The following IGF1 variants were observed in gnomAD, a reference collection of about 807,000 sequenced individuals.
The protein encoded by IGF1 is insulin-like growth factor 1.
A neutral mutation model predicts 13.8 loss-of-function variants in IGF1; 4 were observed. The observed-to-expected ratio is 0.29, with a 90% CI of 0.14 to 0.66. The LOEUF (loss-of-function observed/expected upper bound fraction) is 0.66. Among genes scored for constraint, IGF1 ranks in the 30% least tolerant of loss-of-function variants. The probability of loss-of-function intolerance (pLI) is 0.78; values close to 1 mark genes in which losing one functional copy is unlikely to be tolerated. For missense variants in IGF1, 124 were observed against 188.5 expected (o/e 0.66, Z 2.00); for synonymous variants, 76 against 72.6 (o/e 1.05, Z -0.23).
rs1237620591 is a variant in IGF1, at chr12:102,420,740, G to A, written c.221-1050C>T. Among the ~76,000 whole-genome samples the A allele has an allele frequency of 2.7e-4, 41 of 152,122 alleles. 1 individual carries two copies. Among genetic ancestry groups the A allele is most frequent in the Admixed American group, 2.7e-3 (41 of 15,280 alleles). ...GTGATTCTGTTCTAGCTCAGGCAAG[G>A]GCAGAGGGACAGAAACTTGCTTTCT... On this transcript the variant is annotated intron_variant, in intron 2 of 3. Coordinates refer to ENST00000337514, the MANE Select transcript of IGF1 (RefSeq NM_000618.5).
rs1875492398 is a variant in IGF1, at chr12:102,419,575, G to C, written c.336C>G (p.Leu112=). The C allele has an allele frequency of 6.2e-7, 1 of 1,613,950 alleles. No homozygotes were observed. Among genetic ancestry groups the C allele is most frequent in the East Asian group, 2.2e-5 (1 of 44,880 alleles). Residue 112 remains leucine, a synonymous_variant, in exon 3 of 4, where the codon CTC becomes CTG. Transcript: ENST00000337514. ...CAGAGCGAGCTGACTTGGCAGGCTT[G>C]AGGGGTGCGCAATACATCTCCAGCC... The part of the protein sequence containing the change: ...LRRLEMYCAP[L]KPAKSARSVR...
rs1198625294 is a variant in IGF1, at chr12:102,460,105, T to C, written c.220+15538A>G. Among the ~76,000 whole-genome samples the C allele has an allele frequency of 2.6e-5, 4 of 152,268 alleles. No individual in the cohort carries two copies. In the East Asian group the frequency reaches 7.7e-4, roughly 29 times the overall value. On this transcript the variant is annotated intron_variant, in intron 2 of 3. Transcript: ENST00000337514. ...CTCAAGAATGCAGGCTCAGCCATGC[T>C]GGATTGCACCATTTTTTTCATAAGA...
chr12:102,422,359 T>C (rs545688712), intron 2 of IGF1, among the ~76,000 whole-genome samples: 56 of 152,336 alleles, frequency 3.7e-4, no homozygotes, highest in Middle Eastern at 3.4e-3. Flanking sequence ...ATGTCTACAA[T>C]GGACTCATTG....
intron 3 of IGF1, among the ~76,000 whole-genome samples, chr12:102,403,732 A>T (rs1873884210): frequency 7.0e-6 from 1 of 142,688 alleles, no homozygotes; most frequent in Non-Finnish European, 1.5e-5. Flanking sequence ...TTGGTCTCCC[A>T]AAGTGCTGGC....
At chr12:102,441,964 T>TTTTTC (rs1565985049) in intron 2 of IGF1, among the ~76,000 whole-genome samples, 1 of 13,942 alleles carries the variant, frequency 7.2e-5, no homozygotes, top group Non-Finnish European at 1.6e-4. Context: ...TCTTTTTTTT[T>TTTTTC]TTTGAGACAG....
intron 2 of IGF1, among the ~76,000 whole-genome samples, chr12:102,465,996 ACTT>A (rs1310476473): frequency 6.6e-6 from 1 of 151,306 alleles, no homozygotes; most frequent in Non-Finnish European, 1.5e-5. Context: ...AAGATAACCA[ACTT>A]CTTTTTAATT....
chr12:102,465,442 T>A (rs757513512), intron 2 of IGF1, among the ~76,000 whole-genome samples: 60 of 152,188 alleles, frequency 3.9e-4, no homozygotes, highest in Non-Finnish European at 5.4e-4. Context: ...AACTGTTCAG[T>A]AGGGGAGCTG....
chr12:102,437,775 A>G (rs1877373392), intron 2 of IGF1, among the ~76,000 whole-genome samples: 1 of 152,228 alleles, frequency 6.6e-6, no homozygotes, highest in African/African-American at 2.4e-5. Context: ...AGGATATTGA[A>G]TGTTCTCACC....
rs182113062 is a variant in IGF1, at chr12:102,436,570, A to G, written c.221-16880T>C. ...TTTGGGGCACCTTCAGTACCACATC[A>G]TCAAAATATCTTTTCATGGATCATT... is the stretch of plus-strand genomic sequence containing the variant. On this transcript the variant is annotated intron_variant, in intron 2 of 3. Coordinates refer to ENST00000337514, the MANE Select transcript of IGF1 (RefSeq NM_000618.5). Among the ~76,000 whole-genome samples, 543 of 152,286 alleles carry G rather than the reference A, an allele frequency of 3.6e-3. 1 individual carries two copies. Among genetic ancestry groups the G allele is most frequent in the African/African-American group, 0.012 (509 of 41,560 alleles).
intron 2 of IGF1, among the ~76,000 whole-genome samples, chr12:102,441,527 G>T (rs1306228287): frequency 6.6e-6 from 1 of 152,158 alleles, no homozygotes; most frequent in Non-Finnish European, 1.5e-5. Flanking sequence ...AGTGGGAGTG[G>T]GCCATATTTG....
Position 102,435,686 on chromosome 12 carries a change from T to A in IGF1, c.221-15996A>T, listed in dbSNP as rs900013422. Among the ~76,000 whole-genome samples, 46 of 152,146 alleles carry A rather than the reference T, an allele frequency of 3.0e-4. 2 individuals are homozygous for A. Among genetic ancestry groups the A allele is most frequent in the Non-Finnish European group, 2.9e-5 (2 of 68,022 alleles). ...CCCACATACTTGTCCCCAAACCTCA[T>A]GAAAGGATGAAATTCAGGCCCATAA... On this transcript the variant is annotated intron_variant, in intron 2 of 3. Transcript: ENST00000337514.
chr12:102,411,087 A>ATT (rs1491541474), intron 3 of IGF1, among the ~76,000 whole-genome samples: 4 of 152,244 alleles, frequency 2.6e-5, no homozygotes, highest in Admixed American at 2.0e-4. Context: ...AGAAGAAAAC[A>ATT]TATTATTATT....
Position 102,397,704 on chromosome 12 carries a change from C to G in IGF1, c.*4803G>C, listed in dbSNP as rs1028416673. On this transcript the variant is annotated 3_prime_UTR_variant, in exon 4 of 4. Transcript: ENST00000337514. ...TTGTTGCCCCCCTACCAGATCTGGA[C>G]TTTATGGTCTTTGCAAGGGAGGGGC... is the stretch of plus-strand genomic sequence containing the variant. 1 of 152,154 alleles carries G rather than the reference C, an allele frequency of 6.6e-6. No homozygotes were observed. The highest frequency in any genetic ancestry group is 2.4e-5 in the African/African-American group (1 of 41,444). The allele number at this position is 152,154 out of a possible 1,614,324, so 9.4% of individuals were successfully genotyped here.
At chr12:102,459,012 A>G (rs1238153628) in intron 2 of IGF1, among the ~76,000 whole-genome samples, 1 of 152,226 alleles carries the variant, frequency 6.6e-6, no homozygotes, top group Non-Finnish European at 1.5e-5. Context: ...AGACCAGAGC[A>G]AGGCAATAGA....
At chr12:102,407,584 C>T (rs1874285682) in intron 3 of IGF1, among the ~76,000 whole-genome samples, 1 of 152,168 alleles carries the variant, frequency 6.6e-6, no homozygotes, top group African/African-American at 2.4e-5. Flanking sequence ...TTCTGGAGCT[C>T]ACCAGTTAAC....
chr12:102,419,838 G>T, intron 2 of IGF1, 148 bp from the exon 3 acceptor site: 2 of 753,526 alleles, frequency 2.7e-6, no homozygotes, highest in Non-Finnish European at 4.6e-6. Flanking sequence ...AATGATTCCT[G>T]ACCCCACGTA....
intron 1 of IGF1, among the ~76,000 whole-genome samples, chr12:102,479,624 G>T (rs17878658): frequency 9.1e-4 from 139 of 152,264 alleles, no homozygotes; most frequent in African/African-American, 3.2e-3. Context: ...GAAAAGTTGG[G>T]CAAGCAGCTC....
At chr12:102,467,644 A>G (rs1880422640) in intron 2 of IGF1, among the ~76,000 whole-genome samples, 1 of 152,236 alleles carries the variant, frequency 6.6e-6, no homozygotes, top group South Asian at 2.1e-4. Context: ...CGAGGGAGCA[A>G]AAGTGTTAAC....
chr12:102,427,219 TAGAA>T (rs994192569), intron 2 of IGF1, among the ~76,000 whole-genome samples: 2 of 152,180 alleles, frequency 1.3e-5, no homozygotes, highest in African/African-American at 4.8e-5. Context: ...TTCTTTTTTT[TAGAA>T]AGACTGACAC....
Sources: gnomAD v4.1 joint callset for allele counts (sites outside exome capture counted in the v4.1 genomes callset) on GRCh38, gnomAD v4.1.1 for gene constraint, MANE v1.5 for transcripts, NCBI Gene and HGNC (gene_info 2026-07-23, HGNC 2026-07-21) for gene names.